VPS13A: variants seen among roughly 807,000 people sequenced by gnomAD.
The protein encoded by VPS13A is vacuolar protein sorting 13 homolog A.
In VPS13A, 264 loss-of-function variants were observed where a neutral mutation model predicts 390.9. That is an observed-to-expected ratio of 0.68 (90% CI 0.61 to 0.75). The LOEUF (loss-of-function observed/expected upper bound fraction) is 0.75. Ranked by LOEUF, VPS13A falls within the 30% of genes least tolerant of loss-of-function variation. The pLI is 0.00. For missense variants in VPS13A, 3,409 were observed against 3,733.9 expected (o/e 0.91, Z 2.27); for synonymous variants, 1,231 against 1,227.1 (o/e 1.00, Z -0.07).
chr9:77,211,777 G>A (rs1217618818), intron 7 of VPS13A, among the ~76,000 whole-genome samples: 20 of 152,142 alleles, frequency 1.3e-4, no homozygotes, highest in Admixed American at 4.6e-4. Flanking sequence ...TGCCAGCCTA[G>A]ACCTGTTCAG....
intron 22 of VPS13A, among the ~76,000 whole-genome samples, chr9:77,259,149 C>G (rs1025563333): frequency 6.6e-6 from 1 of 152,052 alleles, no homozygotes; most frequent in Non-Finnish European, 1.5e-5. Context: ...TATGTCAAAT[C>G]CTGAAACTCC....
chr9:77,274,426 CAAAAAAAAAA>C (rs889400152), intron 24 of VPS13A, among the ~76,000 whole-genome samples: 1 of 62,214 alleles, frequency 1.6e-5, no homozygotes, highest in Non-Finnish European at 3.2e-5. Context: ...GAGTCCGAAT[CAAAAAAAAAA>C]AAAAAAAAAA....
chr9:77,218,854 G>T (rs1386125837), intron 10 of VPS13A, among the ~76,000 whole-genome samples: 1 of 152,120 alleles, frequency 6.6e-6, no homozygotes, highest in East Asian at 1.9e-4. Flanking sequence ...TAATTGCTCA[G>T]CAGCATTAAG....
At chr9:77,312,858 C>G (rs911987589) in intron 35 of VPS13A, among the ~76,000 whole-genome samples, 2 of 152,112 alleles carry the variant, frequency 1.3e-5, no homozygotes, top group Non-Finnish European at 2.9e-5. Flanking sequence ...ATAGTATTAC[C>G]ACTTTGGCAA....
intron 68 of VPS13A, chr9:77,390,249 G>C (rs1025871171): frequency 2.9e-5 from 11 of 377,184 alleles, no homozygotes; most frequent in Admixed American, 1.9e-4. Context: ...ACACTGAAGA[G>C]AGCCAAATTG....
chr9:77,384,152 CT>C (rs1445185947), intron 68 of VPS13A, among the ~76,000 whole-genome samples: 2 of 151,488 alleles, frequency 1.3e-5, no homozygotes, highest in African/African-American at 4.8e-5. Context: ...TCAAATGTTT[CT>C]CATGTTATTT....
At chr9:77,282,060 T>A (rs1378192001) in intron 28 of VPS13A, 61 bp from the exon 29 acceptor site, 5 of 1,552,742 alleles carry the variant, frequency 3.2e-6, no homozygotes, top group Non-Finnish European at 4.4e-6. Context: ...CATAGTGCCT[T>A]GTAGAGAGCT....
intron 68 of VPS13A, among the ~76,000 whole-genome samples, chr9:77,394,663 A>G (rs1209904104): frequency 2.0e-5 from 3 of 152,252 alleles, no homozygotes; most frequent in Admixed American, 6.5e-5. Flanking sequence ...GCATCTTTCA[A>G]TAGAAGTCTA....
At chr9:77,414,033 A>T (rs2131672499) in intron 71 of VPS13A, among the ~76,000 whole-genome samples, 1 of 152,364 alleles carries the variant, frequency 6.6e-6, no homozygotes, top group East Asian at 1.9e-4. Context: ...TCCAAACCAC[A>T]ATGAGATACC....
chr9:77,248,290 A>T (rs1024930762), intron 20 of VPS13A, among the ~76,000 whole-genome samples: 1 of 149,388 alleles, frequency 6.7e-6, no homozygotes, highest in African/African-American at 2.5e-5. Flanking sequence ...ATCTCGGCTC[A>T]CTGCAAGCTC....
intron 1 of VPS13A, among the ~76,000 whole-genome samples, chr9:77,190,778 G>C (rs551574975): frequency 2.0e-5 from 3 of 152,100 alleles, no homozygotes; most frequent in Non-Finnish European, 4.4e-5. Context: ...GAGGTATTCA[G>C]TTTCTTCCAG....
intron 60 of VPS13A, among the ~76,000 whole-genome samples, chr9:77,366,115 T>C (rs555195132): frequency 6.6e-6 from 1 of 152,258 alleles, no homozygotes; most frequent in African/African-American, 2.4e-5. Flanking sequence ...ATGACAGAGT[T>C]ACATCTCAGT....
intron 17 of VPS13A, among the ~76,000 whole-genome samples, chr9:77,235,739 T>C (rs1356408146): frequency 6.6e-6 from 1 of 152,216 alleles, no homozygotes; most frequent in Non-Finnish European, 1.5e-5. Flanking sequence ...TTATTCTTTA[T>C]GCTCCACAGA....
intron 67 of VPS13A, among the ~76,000 whole-genome samples, chr9:77,371,427 A>T (rs559177610): frequency 3.2e-4 from 49 of 152,242 alleles, no homozygotes; most frequent in Non-Finnish European, 6.8e-4. Flanking sequence ...CAAGAGAAGA[A>T]AAAAGGGAAC....
chr9:77,374,743 A>C (rs1832979012), intron 67 of VPS13A, among the ~76,000 whole-genome samples: 1 of 152,174 alleles, frequency 6.6e-6, no homozygotes, highest in South Asian at 2.1e-4. Flanking sequence ...AATTTAGTGT[A>C]AGGGTGAAAT....
rs770575409 is a variant in VPS13A, at chr9:77,317,678, G to A, written c.4936G>A (p.Val1646Ile). 6.3e-7 allele frequency: 1 copy of A among 1,597,066 alleles called. No individual in the cohort carries two copies. The highest frequency in any genetic ancestry group is 1.7e-5 in the Admixed American group (1 of 59,260). ...GTDPQVIDMS[V>I]KSLTLKVSPV... ...AGATCCACAAGTGATCGATATGTCA[G>A]TAAAATCCCTGACACTAAAGGTAAA... is the stretch of plus-strand genomic sequence containing the variant. The change falls in exon 40 of 72, where the codon GTA becomes ATA. Residue 1646 changes from valine (V) to isoleucine (I), a missense_variant. Coordinates refer to ENST00000360280, the MANE Select transcript of VPS13A (RefSeq NM_033305.3).
At chr9:77,221,447 A>T in intron 13 of VPS13A, 91 bp downstream of exon 13, 2 of 1,389,338 alleles carry the variant, frequency 1.4e-6, no homozygotes, top group South Asian at 1.2e-5. Flanking sequence ...TTTCATTCCA[A>T]TTTTTATTGA....
At chr9:77,310,461 A>G (rs1047649908) in intron 35 of VPS13A, among the ~76,000 whole-genome samples, 2 of 152,218 alleles carry the variant, frequency 1.3e-5, no homozygotes, top group African/African-American at 4.8e-5. Flanking sequence ...TGCGCTTAAG[A>G]AAGAAATTTC....
intron 38 of VPS13A, 45 bp from the exon 39 acceptor site, chr9:77,316,129 T>C: frequency 1.9e-6 from 2 of 1,061,176 alleles, no homozygotes; most frequent in Non-Finnish European, 2.6e-6. Flanking sequence ...AATAAATTAT[T>C]CATAATATAT....
Sources: allele counts gnomAD v4.1 joint callset (sites outside exome capture counted in the v4.1 genomes callset), GRCh38; gene constraint gnomAD v4.1.1; transcripts MANE v1.5; gene names NCBI Gene and HGNC (gene_info 2026-07-23, HGNC 2026-07-21).